The following FRMPD4 variants were observed in gnomAD, a reference collection of about 807,000 sequenced individuals.
FRMPD4 encodes the protein FERM and PDZ domain-containing protein 4.
Under a neutral mutation model 94.1 loss-of-function variants are expected in FRMPD4, and 22 were observed. The ratio of observed to expected loss-of-function variants is 0.23; its 90% CI spans 0.17 to 0.33. The LOEUF is 0.33. FRMPD4 is among the 10% of genes least tolerant of loss of function. The pLI is 1.00. For synonymous variants in FRMPD4, 631 were observed against 548.6 expected (o/e 1.15, Z -2.10); for missense variants, 1,111 against 1,339.9 (o/e 0.83, Z 2.67).
chrX:11,970,700 T>A (rs959228118), intron 3 of FRMPD4, among the ~76,000 whole-genome samples: 2 of 111,855 alleles, frequency 1.8e-5, no homozygotes, highest in African/African-American at 6.5e-5. Context: ...CTGTGTGAAA[T>A]GATTTTTTCC....
At chrX:12,552,218 G>T (rs1569331965) in intron 2 of FRMPD4, among the ~76,000 whole-genome samples, 1 of 111,857 alleles carries the variant, frequency 8.9e-6, no homozygotes, top group African/African-American at 3.2e-5. Context: ...GGAGCTAGCA[G>T]TATTTATTAC....
At chrX:12,354,940 T>C (rs1406201171) in intron 1 of FRMPD4, among the ~76,000 whole-genome samples, 1 of 112,243 alleles carries the variant, frequency 8.9e-6, no homozygotes, top group Non-Finnish European at 1.9e-5. Flanking sequence ...CAAATCTCAC[T>C]TTACTGTGTG....
intron 1 of FRMPD4, among the ~76,000 whole-genome samples, chrX:12,450,751 A>G (rs948159690): frequency 1.2e-4 from 13 of 109,098 alleles, no homozygotes; most frequent in Admixed American, 9.9e-5. Flanking sequence ...ACATGTAACC[A>G]TCTACTAAAC....
intron 3 of FRMPD4, among the ~76,000 whole-genome samples, chrX:12,082,354 T>A (rs1487555506): frequency 8.9e-6 from 1 of 111,995 alleles, no homozygotes. Flanking sequence ...CCACTTTTGC[T>A]TCTTCCTCAT....
chrX:12,287,952 A>G (rs1295546333), intron 1 of FRMPD4, among the ~76,000 whole-genome samples: 1 of 111,797 alleles, frequency 8.9e-6, no homozygotes, highest in Non-Finnish European at 1.9e-5. Context: ...TCTGTTTCTC[A>G]GTAGTCAGCT....
chrX:12,685,841 A>G (rs767379336), intron 6 of FRMPD4, among the ~76,000 whole-genome samples: 1 of 111,939 alleles, frequency 8.9e-6, no homozygotes, highest in East Asian at 2.8e-4. Context: ...TCACAAAAGA[A>G]TCACGTCTGC....
intron 3 of FRMPD4, among the ~76,000 whole-genome samples, chrX:12,124,274 T>C (rs186973299): frequency 4.7e-4 from 53 of 112,371 alleles, no homozygotes; most frequent in Admixed American, 4.5e-3. Flanking sequence ...TACTAGCTCT[T>C]ATAAAAGTTG....
intron 1 of FRMPD4, among the ~76,000 whole-genome samples, chrX:12,212,406 G>A (rs972687112): frequency 1.8e-5 from 2 of 109,597 alleles, no homozygotes; most frequent in Non-Finnish European, 1.9e-5. Flanking sequence ...CTTTCCCTCC[G>A]AATGCAATGC....
intron 3 of FRMPD4, among the ~76,000 whole-genome samples, chrX:12,123,612 T>C (rs912223681): frequency 5.4e-5 from 6 of 112,142 alleles, no homozygotes; most frequent in African/African-American, 1.9e-4. Context: ...TTTCTCAACC[T>C]CAACACTATT....
At position 11,955,483 on chromosome X, in the gene FRMPD4, A is replaced by AATGTATGTATGT. The variant is rs61232615; in HGVS notation, c.95+77478_95+77489dup. Among the ~76,000 whole-genome samples, 149 of 107,974 alleles carry AATGTATGTATGT rather than the reference A, an allele frequency of 1.4e-3. 1 individual carries two copies. Among genetic ancestry groups the AATGTATGTATGT allele is most frequent in the African/African-American group, 5.1e-3 (147 of 28,742 alleles). The allele number at this position is 107,974 out of a possible 115,157, so 93.8% of individuals were successfully genotyped here. A position where few individuals can be genotyped will look rare whatever the true frequency, so the allele number is the denominator to read the frequency against. On this transcript the variant is annotated intron_variant, in intron 3 of 18. Transcript: ENST00000640291. ...CTCAAAAAAGTTAAATAAATAAATA[A>AATGTATGTATGT]ATGTATGTATGTATGTATGTATGTT...
chrX:12,128,937 C>A (rs1332118015), intron 3 of FRMPD4, among the ~76,000 whole-genome samples: 1 of 111,992 alleles, frequency 8.9e-6, no homozygotes, highest in Non-Finnish European at 1.9e-5. Context: ...TTCCTCATCT[C>A]CATCTGAGAC....
At chrX:12,477,005 C>T (rs764219977) in intron 1 of FRMPD4, among the ~76,000 whole-genome samples, 22 of 111,868 alleles carry the variant, frequency 2.0e-4, no homozygotes, top group Admixed American at 3.8e-4. Flanking sequence ...CACATGCACA[C>T]GTATGTTTAT....
chrX:11,993,497 G>A (rs1051584548), intron 3 of FRMPD4, among the ~76,000 whole-genome samples: 4 of 112,112 alleles, frequency 3.6e-5, no homozygotes, highest in Middle Eastern at 4.7e-3. Context: ...AATGCACCCT[G>A]GTTGCAGGCA....
At chrX:12,474,101 G>T (rs1222780881) in intron 1 of FRMPD4, among the ~76,000 whole-genome samples, 1 of 110,117 alleles carries the variant, frequency 9.1e-6, no homozygotes, top group African/African-American at 3.4e-5. Flanking sequence ...GAACAGAAAT[G>T]ATAACAAATG....
At chrX:12,097,606 C>T in intron 3 of FRMPD4, among the ~76,000 whole-genome samples, 1 of 112,229 alleles carries the variant, frequency 8.9e-6, no homozygotes, top group Non-Finnish European at 1.9e-5. Flanking sequence ...AGCTAATCTA[C>T]TTTCTGTCTC....
intron 3 of FRMPD4, among the ~76,000 whole-genome samples, chrX:12,040,913 A>G (rs2054751254): frequency 9.1e-6 from 1 of 110,055 alleles, no homozygotes; most frequent in Non-Finnish European, 1.9e-5. Flanking sequence ...TTTCTTTTGT[A>G]TTAAATATGT....
At chrX:12,657,096 A>AT (rs978542880) in intron 4 of FRMPD4, among the ~76,000 whole-genome samples, 1 of 110,544 alleles carries the variant, frequency 9.0e-6, no homozygotes, top group East Asian at 2.8e-4. Context: ...AAAAAAAAAA[A>AT]AAACAAAAAC....
chrX:12,514,816 A>T (rs2058079229), intron 2 of FRMPD4, among the ~76,000 whole-genome samples: 1 of 112,223 alleles, frequency 8.9e-6, no homozygotes, highest in Non-Finnish European at 1.9e-5. Flanking sequence ...CCTTAGGTAG[A>T]ATTCAGCTGT....
At chrX:12,205,908 G>A (rs1041318982) in intron 1 of FRMPD4, among the ~76,000 whole-genome samples, 15 of 112,348 alleles carry the variant, frequency 1.3e-4, no homozygotes, top group African/African-American at 4.9e-4. Flanking sequence ...ACCTGCAAGG[G>A]GCTTTGGAGT....
Sources: allele counts gnomAD v4.1 joint callset (sites outside exome capture counted in the v4.1 genomes callset), GRCh38; gene constraint gnomAD v4.1.1; transcripts MANE v1.5; gene names NCBI Gene and HGNC (gene_info 2026-07-23, HGNC 2026-07-21).